The following TNRC6B variants were observed in gnomAD, a reference collection of about 807,000 sequenced individuals.
TNRC6B encodes trinucleotide repeat containing adaptor 6B, also known as trinucleotide repeat-containing gene 6B protein.
Under a neutral mutation model 203.6 loss-of-function variants are expected in TNRC6B, and 52 were observed. The ratio of observed to expected loss-of-function variants is 0.26; its 90% CI spans 0.20 to 0.32. TNRC6B has a LOEUF of 0.32. Among genes scored for constraint, TNRC6B ranks in the 10% least tolerant of loss-of-function variants. The probability of loss-of-function intolerance (pLI) is 1.00; values close to 1 mark genes in which losing one functional copy is unlikely to be tolerated. For missense variants in TNRC6B, 1,923 were observed against 2,286.2 expected, an observed-to-expected ratio of 0.84 and a Z score of 3.24; for synonymous variants, 838 against 845.7, an observed-to-expected ratio of 0.99 and a Z score of 0.16.
At chr22:40,082,712 G>C (rs2146290375) in intron 1 of TNRC6B, among the ~76,000 whole-genome samples, 1 of 152,324 alleles carries the variant, frequency 6.6e-6, no homozygotes, top group African/African-American at 2.4e-5. Context: ...ATAATAGTCA[G>C]AGAAATGGAG....
At chr22:40,283,635 A>G (rs994930621) in intron 11 of TNRC6B, among the ~76,000 whole-genome samples, 3 of 152,062 alleles carry the variant, frequency 2.0e-5, no homozygotes, top group African/African-American at 2.4e-5. Context: ...TTGATCAACT[A>G]CTGTGGACTT....
rs1295620136 is a variant in TNRC6B at position 40,316,023 on chromosome 22, T to C, written c.4974+11T>C. On this transcript the variant is annotated intron_variant, in intron 21 of 22. Transcript: ENST00000454349. Reference sequence around the variant, plus strand: ...AATCTCACCCCACAGGTAATTATGCTTTCTCGCAGTTTTCTAGATAGGACT... The same window carrying C: ...AATCTCACCCCACAGGTAATTATGCCTTCTCGCAGTTTTCTAGATAGGACT... 1 of 1,611,616 alleles carries C rather than the reference T, an allele frequency of 6.2e-7. No homozygotes were observed. Among genetic ancestry groups the C allele is most frequent in the Non-Finnish European group, 8.5e-7 (1 of 1,178,106 alleles).
At chr22:40,218,324 CTTTTTTTT>C (rs71199275) in intron 1 of TNRC6B, among the ~76,000 whole-genome samples, 1 of 97,460 alleles carries the variant, frequency 1.0e-5, no homozygotes, top group Non-Finnish European at 2.0e-5. Flanking sequence ...TTTTTCTTTT[CTTTTTTTT>C]TTTTTTTTTT....
intron 22 of TNRC6B, chr22:40,321,475 A>T: frequency 2.2e-6 from 1 of 459,534 alleles, no homozygotes; most frequent in Non-Finnish European, 3.9e-6. Context: ...TTTGTGAAGT[A>T]GTGAGTAAAT....
At chr22:40,242,442 T>G (rs1438367369) in intron 1 of TNRC6B, among the ~76,000 whole-genome samples, 1 of 152,166 alleles carries the variant, frequency 6.6e-6, no homozygotes, top group Non-Finnish European at 1.5e-5. Flanking sequence ...TTTTCTTTTT[T>G]TTTTTGAGAC....
chr22:40,283,599 A>G (rs981334914), intron 11 of TNRC6B, among the ~76,000 whole-genome samples: 2 of 152,210 alleles, frequency 1.3e-5, no homozygotes, highest in African/African-American at 4.8e-5. Context: ...CCCAGCTTCC[A>G]TATTAAGTTA....
intron 2 of TNRC6B, among the ~76,000 whole-genome samples, chr22:40,249,532 G>A (rs1188453686): frequency 6.6e-6 from 1 of 152,180 alleles, no homozygotes; most frequent in African/African-American, 2.4e-5. Context: ...GTTTAGCGTT[G>A]GCAGAACACA....
chr22:40,114,620 G>A (rs577941476), intron 1 of TNRC6B, among the ~76,000 whole-genome samples: 10 of 152,104 alleles, frequency 6.6e-5, no homozygotes, highest in African/African-American at 2.4e-4. Context: ...GAGCCACCAC[G>A]CCCGGCCTAG....
At chr22:40,077,007 GAGAAA>G (rs2068020315) in intron 1 of TNRC6B, among the ~76,000 whole-genome samples, 1 of 138,750 alleles carries the variant, frequency 7.2e-6, no homozygotes, top group African/African-American at 2.7e-5. Flanking sequence ...GAAAAGAAAA[GAGAAA>G]AGAAAAGAAG....
chr22:40,253,120 C>A (rs2070218368), intron 3 of TNRC6B, among the ~76,000 whole-genome samples: 1 of 147,076 alleles, frequency 6.8e-6, no homozygotes, highest in African/African-American at 2.5e-5. Context: ...TTTTTTGAGG[C>A]AGAGTCTCGC....
chr22:40,155,220 AAGT>A (rs914017765), intron 3 of TNRC6B, among the ~76,000 whole-genome samples: 5 of 152,262 alleles, frequency 3.3e-5, no homozygotes, highest in African/African-American at 1.2e-4. Context: ...ATATACCTAT[AAGT>A]AAGTGCAGTT....
At chr22:40,263,908 G>T (rs924035700) in intron 4 of TNRC6B, among the ~76,000 whole-genome samples, 2 of 152,226 alleles carry the variant, frequency 1.3e-5, no homozygotes, top group Non-Finnish European at 2.9e-5. Context: ...TAGGGTCTCT[G>T]CCTAAAAGAC....
rs2070532466 is a variant in TNRC6B at position 40,269,712 on chromosome 22, C to T, written c.2807-410C>T. 2.0e-5 allele frequency among the ~76,000 whole-genome samples: 3 copies of T among 151,118 alleles called. No homozygotes were observed. The South Asian group carries it at 6.3e-4, about 32-fold the overall frequency. ...CCTGGCCAATGTGGTGAAACCCTGT[C>T]TCTACTTAAAAAAAAAAATACAAAA... On this transcript the variant is annotated intron_variant, in intron 5 of 22. Transcript: ENST00000454349.
chr22:40,263,518 A>T (rs1297066078), intron 4 of TNRC6B, among the ~76,000 whole-genome samples: 2 of 152,196 alleles, frequency 1.3e-5, no homozygotes, highest in Non-Finnish European at 2.9e-5. Flanking sequence ...ACATTATTAA[A>T]ACGGAGGAGG....
At chr22:40,270,039 C>A in intron 5 of TNRC6B, 83 bp from the exon 6 acceptor site, 1 of 1,383,204 alleles carries the variant, frequency 7.2e-7, no homozygotes, top group Non-Finnish European at 9.9e-7. Flanking sequence ...ATAGGCATGC[C>A]TGTTCCTTCC....
chr22:40,122,574 C>T (rs2068455627), intron 2 of TNRC6B, among the ~76,000 whole-genome samples: 1 of 152,172 alleles, frequency 6.6e-6, no homozygotes, highest in African/African-American at 2.4e-5. Context: ...TACGTTGTTT[C>T]TCCTTCCAAA....
At chr22:40,207,104 C>G (rs1182808822) in intron 1 of TNRC6B, among the ~76,000 whole-genome samples, 1 of 152,102 alleles carries the variant, frequency 6.6e-6, no homozygotes, top group Non-Finnish European at 1.5e-5. Context: ...CCTCTGTCTT[C>G]ACATGAATGT....
chr22:40,240,394 G>A (rs528837428), intron 1 of TNRC6B, among the ~76,000 whole-genome samples: 5 of 152,242 alleles, frequency 3.3e-5, no homozygotes, highest in South Asian at 4.1e-4. Flanking sequence ...ACAATGCTTC[G>A]TAACCTTTTC....
intron 1 of TNRC6B, among the ~76,000 whole-genome samples, chr22:40,235,647 C>T (rs117024359): frequency 8.2e-4 from 125 of 152,302 alleles, no homozygotes; most frequent in Non-Finnish European, 1.4e-3. Flanking sequence ...TAGTACACCA[C>T]TAAAATTCCT....
Sources: gnomAD v4.1 joint callset for allele counts (sites outside exome capture counted in the v4.1 genomes callset) on GRCh38, gnomAD v4.1.1 for gene constraint, MANE v1.5 for transcripts, NCBI Gene and HGNC (gene_info 2026-07-23, HGNC 2026-07-21) for gene names.